CHST8: variants seen among roughly 807,000 people sequenced by gnomAD.
CHST8 encodes GALNAC-4-ST1.
A neutral mutation model predicts 15.0 loss-of-function variants in CHST8; 10 were observed. The ratio of observed to expected loss-of-function variants is 0.67; its 90% CI spans 0.41 to 1.13. The LOEUF (loss-of-function observed/expected upper bound fraction) is 1.13, where lower values mean the gene tolerates loss of function less well. Ranked by LOEUF, CHST8 falls within the 50% of genes most tolerant of loss-of-function variation. The pLI is 0.00. For missense variants in CHST8, 634 were observed against 608.2 expected (o/e 1.04, Z -0.45); for synonymous variants, 259 against 256.6 (o/e 1.01, Z -0.09).
intron 2 of CHST8, among the ~76,000 whole-genome samples, chr19:33,688,267 C>T (rs1283448892): frequency 2.6e-5 from 4 of 152,220 alleles, no homozygotes; most frequent in Admixed American, 6.5e-5. Flanking sequence ...GCCCTGTTGG[C>T]GTGACTGGCT....
At chr19:33,658,595 A>C (rs1247202764) in intron 1 of CHST8, among the ~76,000 whole-genome samples, 1 of 152,202 alleles carries the variant, frequency 6.6e-6, no homozygotes, top group Non-Finnish European at 1.5e-5. Flanking sequence ...ATATTATATT[A>C]CTACATTGTT....
At chr19:33,754,455 CA>C (rs1974504183) in intron 3 of CHST8, among the ~76,000 whole-genome samples, 1 of 152,120 alleles carries the variant, frequency 6.6e-6, no homozygotes, top group Non-Finnish European at 1.5e-5. Flanking sequence ...CTGCTGGGAT[CA>C]GGGGACCTTG....
intron 3 of CHST8, among the ~76,000 whole-genome samples, chr19:33,710,891 AG>A (rs916330407): frequency 2.2e-5 from 3 of 139,358 alleles, no homozygotes; most frequent in Non-Finnish European, 3.0e-5. Flanking sequence ...TTTTTTTTTA[AG>A]GGGTAGGGTC....
At chr19:33,734,292 T>C (rs1405160457) in intron 3 of CHST8, among the ~76,000 whole-genome samples, 1 of 152,150 alleles carries the variant, frequency 6.6e-6, no homozygotes, top group Admixed American at 6.5e-5. Context: ...AGGAGAGGCA[T>C]GAATAATCCA....
intron 3 of CHST8, among the ~76,000 whole-genome samples, chr19:33,698,138 G>A (rs1056799725): frequency 1.1e-4 from 16 of 152,344 alleles, no homozygotes; most frequent in Admixed American, 4.6e-4. Flanking sequence ...TAAGCCGGGC[G>A]TGATGGCATG....
At chr19:33,760,577 C>T (rs1003605221) in intron 3 of CHST8, among the ~76,000 whole-genome samples, 2 of 151,904 alleles carry the variant, frequency 1.3e-5, no homozygotes, top group Non-Finnish European at 2.9e-5. Context: ...ATCTTGGCCT[C>T]CAAAGCACTG....
At chr19:33,727,939 C>T (rs1973932392) in intron 3 of CHST8, among the ~76,000 whole-genome samples, 1 of 152,226 alleles carries the variant, frequency 6.6e-6, no homozygotes, top group Admixed American at 6.5e-5. Context: ...TCTCCTCTGG[C>T]CCAGCCCCGG....
chr19:33,649,228 T>C (rs1408832703), intron 1 of CHST8, among the ~76,000 whole-genome samples: 1 of 152,120 alleles, frequency 6.6e-6, no homozygotes, highest in Non-Finnish European at 1.5e-5. Context: ...ATCACAGCCA[T>C]CCTAGTGTTT....
chr19:33,720,504 A>G (rs1472534266), intron 3 of CHST8, among the ~76,000 whole-genome samples: 2 of 152,056 alleles, frequency 1.3e-5, no homozygotes, highest in African/African-American at 4.8e-5. Context: ...CACACACCAC[A>G]TATGCTTGCC....
intron 2 of CHST8, among the ~76,000 whole-genome samples, chr19:33,686,388 G>T (rs1213920544): frequency 6.6e-6 from 1 of 152,156 alleles, no homozygotes; most frequent in African/African-American, 2.4e-5. Context: ...AGTGAGGACA[G>T]GTCTTCGCTG....
At chr19:33,659,188 C>T (rs1033268029) in intron 1 of CHST8, among the ~76,000 whole-genome samples, 6 of 151,232 alleles carry the variant, frequency 4.0e-5, no homozygotes, top group Non-Finnish European at 8.8e-5. Context: ...GCCTCAGCCT[C>T]CCGAGTAGCT....
chr19:33,674,109 CA>C (rs1179505842), intron 2 of CHST8, among the ~76,000 whole-genome samples: 6 of 152,274 alleles, frequency 3.9e-5, no homozygotes, highest in African/African-American at 1.4e-4. Context: ...GGGCTGGGGC[CA>C]GGGGAGGCTA....
At chr19:33,713,060 G>A (rs936258105) in intron 3 of CHST8, among the ~76,000 whole-genome samples, 21 of 152,080 alleles carry the variant, frequency 1.4e-4, no homozygotes, top group Admixed American at 2.6e-4. Flanking sequence ...GCCCAGCATC[G>A]GGTGGCTGGC....
intron 1 of CHST8, among the ~76,000 whole-genome samples, chr19:33,632,844 C>T (rs1001465439): frequency 6.6e-6 from 1 of 152,142 alleles, no homozygotes; most frequent in African/African-American, 2.4e-5. Context: ...TCTCGGCTCA[C>T]TGCAACCTCC....
intron 3 of CHST8, among the ~76,000 whole-genome samples, chr19:33,697,029 G>T (rs1039181792): frequency 4.0e-5 from 6 of 151,804 alleles, no homozygotes; most frequent in African/African-American, 1.5e-4. Context: ...ATTTTTAGTA[G>T]AGATGGGGTT....
At position 33,681,008 on chromosome 19, in the gene CHST8, A is replaced by G. The variant is rs186877855; in HGVS notation, c.-86-8168A>G. ...ATTGTAACGGTTTGCAAAACCGTAG[A>G]ACAGTATTAAAACCAGGATATTGAC... On this transcript the variant is annotated intron_variant, in intron 2 of 4. Transcript: ENST00000650847. 1.4e-3 allele frequency among the ~76,000 whole-genome samples: 213 copies of G among 152,354 alleles called. 1 individual carries two copies. Among genetic ancestry groups the G allele is most frequent in the Middle Eastern group, 6.8e-3 (2 of 294 alleles).
In CHST8 at chr19:33,773,505, G is replaced by C. The variant is rs553111795; in HGVS notation, c.*442G>C. On this transcript the variant is annotated 3_prime_UTR_variant, in exon 5 of 5. Transcript: ENST00000650847. ...TTCCAAATAAAGCACATGGTTTCCA[G>C]AGCAGCGGTGTGTACTCTGTGGTGG... The C allele has an allele frequency of 5.4e-6, 1 of 184,596 alleles. No individual in the cohort carries two copies. The highest frequency in any genetic ancestry group is 2.3e-5 in the African/African-American group (1 of 42,554). The allele number at this position is 184,596 out of a possible 1,614,324, so 11.4% of individuals were successfully genotyped here.
At chr19:33,650,658 A>C (rs533521250) in intron 1 of CHST8, among the ~76,000 whole-genome samples, 1 of 149,236 alleles carries the variant, frequency 6.7e-6, no homozygotes, top group East Asian at 2.0e-4. Context: ...CAGCCTCCCA[A>C]GTAGCTGGGA....
chr19:33,679,330 A>C (rs1448061745), intron 2 of CHST8, among the ~76,000 whole-genome samples: 1 of 152,232 alleles, frequency 6.6e-6, no homozygotes, highest in Non-Finnish European at 1.5e-5. Flanking sequence ...GCCGCATCCT[A>C]CATCCCCAGG....
Sources: gnomAD v4.1 joint callset for allele counts (sites outside exome capture counted in the v4.1 genomes callset) on GRCh38, gnomAD v4.1.1 for gene constraint, MANE v1.5 for transcripts, NCBI Gene and HGNC (gene_info 2026-07-23, HGNC 2026-07-21) for gene names.